CD96: variants seen among roughly 807,000 people sequenced by gnomAD.
CD96 encodes the protein CD96 molecule, also known as T-cell surface protein tactile.
CD96 carries 70 observed loss-of-function variants against 71.3 expected under a neutral mutation model. The ratio of observed to expected loss-of-function variants is 0.98; its 90% CI spans 0.81 to 1.20. CD96 has a LOEUF of 1.20. CD96 is among the 50% of genes most tolerant of loss of function. The pLI, the probability that CD96 is intolerant of heterozygous loss-of-function variation, is 0.00. For synonymous variants in CD96, 248 were observed against 233.0 expected (o/e 1.06, Z -0.59); for missense variants, 742 against 677.5 (o/e 1.10, Z -1.06).
downstream of CD96, among the ~76,000 whole-genome samples, chr3:111,655,373 A>G (rs140091343): frequency 1.5e-4 from 23 of 152,342 alleles, no homozygotes; most frequent in Non-Finnish European, 2.9e-4. Context: ...CCTTCAGTGA[A>G]TGTAAAATTT....
Position 111,638,142 on chromosome 3 carries a change from C to A in CD96, c.1451C>A (p.Thr484Lys). ...SEVPTTANGS[T>K]KTNHVHITGI... is the part of the protein sequence containing the mutation. ...GTCCCCACAACTGCCAATGGATCTA[C>A]GAAAACTAATCACGTCCATATCACT... is the stretch of plus-strand genomic sequence containing the variant. The change falls in exon 12 of 14, where the codon ACG becomes AAG. Residue 484 changes from threonine (T) to lysine (K), a missense_variant. Coordinates refer to ENST00000352690, the MANE Select transcript of CD96 (RefSeq NM_005816.5). The A allele has an allele frequency of 6.2e-7, 1 of 1,606,704 alleles. No individual in the cohort carries two copies. The highest frequency in any genetic ancestry group is 8.5e-7 in the Non-Finnish European group (1 of 1,173,332).
At chr3:111,569,911 C>T (rs1466245385) in intron 3 of CD96, among the ~76,000 whole-genome samples, 1 of 152,226 alleles carries the variant, frequency 6.6e-6, no homozygotes, top group Non-Finnish European at 1.5e-5. Flanking sequence ...TTCCACTGGG[C>T]AAGGGTAAAA....
At chr3:111,632,483 G>A (rs548669233) in intron 10 of CD96, among the ~76,000 whole-genome samples, 1 of 152,270 alleles carries the variant, frequency 6.6e-6, no homozygotes, top group East Asian at 1.9e-4. Flanking sequence ...ATGCTGATGA[G>A]GGTGTGGAGA....
At chr3:111,636,450 G>A (rs548256121) in intron 10 of CD96, among the ~76,000 whole-genome samples, 8 of 152,312 alleles carry the variant, frequency 5.3e-5, no homozygotes, top group Admixed American at 3.3e-4. Flanking sequence ...TTACAACCGT[G>A]TATTACTATA....
At chr3:111,627,877 G>A (rs888900273) in intron 10 of CD96, among the ~76,000 whole-genome samples, 1 of 152,170 alleles carries the variant, frequency 6.6e-6, no homozygotes, top group African/African-American at 2.4e-5. Flanking sequence ...TGTGACTAGG[G>A]TCTGGGGTAG....
intron 10 of CD96, among the ~76,000 whole-genome samples, chr3:111,635,554 C>T (rs897215240): frequency 2.6e-5 from 4 of 152,102 alleles, no homozygotes; most frequent in African/African-American, 7.2e-5. Flanking sequence ...CTCCTGAAAT[C>T]GTGTTATGTT....
intron 8 of CD96, 123 bp downstream of exon 8, chr3:111,606,915 G>T: frequency 1.4e-6 from 1 of 726,782 alleles, no homozygotes; most frequent in African/African-American, 1.7e-5. Context: ...CTGAAATTGG[G>T]TTTTATTTTT....
intron 5 of CD96, chr3:111,593,513 A>G (rs773511256): frequency 2.0e-6 from 3 of 1,508,038 alleles, no homozygotes; most frequent in Non-Finnish European, 2.7e-6. Context: ...GTCTAGAGTC[A>G]ATGTTTTCAG....
intron 10 of CD96, among the ~76,000 whole-genome samples, chr3:111,625,589 G>A (rs1451589353): frequency 6.6e-6 from 1 of 152,058 alleles, no homozygotes; most frequent in Non-Finnish European, 1.5e-5. Flanking sequence ...AAATTAAAAT[G>A]TACCCCTGCC....
intron 8 of CD96, among the ~76,000 whole-genome samples, chr3:111,609,704 A>AG (rs373969478): frequency 1.3e-5 from 2 of 152,216 alleles, no homozygotes; most frequent in Admixed American, 6.5e-5. Flanking sequence ...TTTAAAAAGC[A>AG]GGGGGGAAAA....
chr3:111,583,347 T>C (rs1180682900), intron 4 of CD96, among the ~76,000 whole-genome samples: 1 of 152,164 alleles, frequency 6.6e-6, no homozygotes, highest in Non-Finnish European at 1.5e-5. Flanking sequence ...CACAGGCTAG[T>C]GTTGAGTGTC....
At chr3:111,615,318 A>G (rs1188403134) in intron 8 of CD96, among the ~76,000 whole-genome samples, 2 of 152,216 alleles carry the variant, frequency 1.3e-5, no homozygotes, top group African/African-American at 4.8e-5. Context: ...GCATTGGCCA[A>G]AGGTGAGGAT....
chr3:111,614,970 G>A (rs558359031), intron 8 of CD96, among the ~76,000 whole-genome samples: 6 of 152,108 alleles, frequency 3.9e-5, no homozygotes, highest in African/African-American at 1.2e-4. Context: ...CTCCCACCCC[G>A]TCACACAGCT....
chr3:111,574,023 C>A (rs1272767947), intron 3 of CD96, among the ~76,000 whole-genome samples: 1 of 152,174 alleles, frequency 6.6e-6, no homozygotes, highest in Non-Finnish European at 1.5e-5. Context: ...GCTTTGACAG[C>A]ACTGACTGGA....
intron 5 of CD96, chr3:111,593,379 C>T (rs1937085767): frequency 2.7e-6 from 2 of 749,430 alleles, no homozygotes; most frequent in African/African-American, 1.7e-5. Context: ...CGTAGATAAG[C>T]ATTTGGTCAA....
At chr3:111,558,954 G>A (rs1935229567) in intron 2 of CD96, among the ~76,000 whole-genome samples, 3 of 152,162 alleles carry the variant, frequency 2.0e-5, no homozygotes, top group South Asian at 4.1e-4. Context: ...ATGTGTCAAG[G>A]AATTTATCCA....
rs566650560 is a variant in CD96 at position 111,650,922 on chromosome 3, CAGAT to C, written c.*1120_*1123del. 62 of 152,230 alleles carry C rather than the reference CAGAT, an allele frequency of 4.1e-4. No homozygotes were observed. Among genetic ancestry groups the C allele is most frequent in the African/African-American group, 1.4e-3 (58 of 41,466 alleles). The allele number at this position is 152,230 out of a possible 1,614,324, so 9.4% of individuals were successfully genotyped here. A position where few individuals can be genotyped will look rare whatever the true frequency, so the allele number is the denominator to read the frequency against. ...AGGAGGGAAAAACAGATGTTGTTGA[CAGAT>C]AGAGTGATAGGCAAATTCTGTGTGG... is the stretch of plus-strand genomic sequence containing the variant. On this transcript the variant is annotated 3_prime_UTR_variant, in exon 14 of 14. Coordinates refer to ENST00000352690, the MANE Select transcript of CD96 (RefSeq NM_005816.5).
chr3:111,585,406 C>G, intron 5 of CD96, 28 bp downstream of exon 5: 3 of 1,438,674 alleles, frequency 2.1e-6, no homozygotes, highest in Non-Finnish European at 2.9e-6. Flanking sequence ...CTTTGAAAAT[C>G]TACAGTATTA....
intron 8 of CD96, among the ~76,000 whole-genome samples, chr3:111,608,836 A>C (rs1032659004): frequency 5.3e-5 from 8 of 152,240 alleles, no homozygotes; most frequent in African/African-American, 1.7e-4. Context: ...ATTTAATGCT[A>C]AAGAAAAAAG....
Sources: gnomAD v4.1 joint callset for allele counts (sites outside exome capture counted in the v4.1 genomes callset) on GRCh38, gnomAD v4.1.1 for gene constraint, MANE v1.5 for transcripts, NCBI Gene and HGNC (gene_info 2026-07-23, HGNC 2026-07-21) for gene names.